The following HLCS variants were observed in gnomAD, a reference collection of about 807,000 sequenced individuals.
HLCS encodes holocarboxylase synthetase.
A neutral mutation model predicts 75.0 loss-of-function variants in HLCS; 53 were observed. That is an observed-to-expected ratio of 0.71 (90% CI 0.57 to 0.89). HLCS has a LOEUF of 0.89. HLCS is among the 40% of genes least tolerant of loss of function. The pLI is 0.00. For missense variants in HLCS, 966 were observed against 1,074.0 expected, an observed-to-expected ratio of 0.90 and a Z score of 1.41; for synonymous variants, 431 against 428.6, an observed-to-expected ratio of 1.01 and a Z score of -0.07.
At chr21:36,931,239 C>T (rs2066623417) in intron 4 of HLCS, among the ~76,000 whole-genome samples, 2 of 135,368 alleles carry the variant, frequency 1.5e-5, no homozygotes, top group Non-Finnish European at 3.0e-5. Context: ...GCTGAGATAG[C>T]TCCATTGCAC....
intron 1 of HLCS, chr21:36,973,727 A>C (rs1433397125): frequency 6.6e-6 from 1 of 152,344 alleles, no homozygotes; most frequent in Admixed American, 6.5e-5. Flanking sequence ...ACTGTGGCTC[A>C]TGCCTGTAAT....
At chr21:36,986,045 T>A (rs1195087243) in intron 1 of HLCS, among the ~76,000 whole-genome samples, 1 of 152,156 alleles carries the variant, frequency 6.6e-6, no homozygotes, top group Admixed American at 6.5e-5. Context: ...CCCAAGTGCA[T>A]GTGTTGGAAA....
At chr21:36,762,865 G>C (rs2089901015) in intron 8 of HLCS, among the ~76,000 whole-genome samples, 1 of 152,154 alleles carries the variant, frequency 6.6e-6, no homozygotes, top group African/African-American at 2.4e-5. Flanking sequence ...CTCAAAGAAT[G>C]CTCGCTAAGG....
intron 6 of HLCS, among the ~76,000 whole-genome samples, chr21:36,831,554 G>C (rs1601433538): frequency 6.6e-6 from 1 of 152,208 alleles, no homozygotes; most frequent in South Asian, 2.1e-4. Context: ...GTGGTGGCAT[G>C]CACCTGTAGT....
chr21:36,938,500 T>C (rs73904771), intron 3 of HLCS, among the ~76,000 whole-genome samples: 3,326 of 152,306 alleles, frequency 0.022, 62 homozygotes, highest in South Asian at 0.053. Context: ...TAATAACTTA[T>C]AGTGTCCCAC....
chr21:36,883,453 C>T (rs1238683085), intron 6 of HLCS, among the ~76,000 whole-genome samples: 1 of 152,202 alleles, frequency 6.6e-6, no homozygotes, highest in Non-Finnish European at 1.5e-5. Context: ...TCTATCTGCA[C>T]ACCCCATGTG....
chr21:36,928,460 C>G (rs1474511690), intron 5 of HLCS, among the ~76,000 whole-genome samples: 1 of 152,138 alleles, frequency 6.6e-6, no homozygotes, highest in Non-Finnish European at 1.5e-5. Flanking sequence ...GTCCCAGCTA[C>G]TCGGGGGGCT....
intron 1 of HLCS, 23 bp downstream of exon 1, chr21:36,966,421 G>A (rs1267478961): frequency 2.1e-6 from 1 of 473,742 alleles, no homozygotes; most frequent in Non-Finnish European, 2.8e-6. Flanking sequence ...GGCCCGGGTC[G>A]CCCGCCCGCC....
chr21:36,794,103 C>T (rs955916831), intron 6 of HLCS, among the ~76,000 whole-genome samples: 16 of 152,192 alleles, frequency 1.1e-4, no homozygotes, highest in African/African-American at 7.2e-5. Flanking sequence ...TCCAAAGAGG[C>T]GATCTCTGAG....
intron 6 of HLCS, among the ~76,000 whole-genome samples, chr21:36,894,994 G>A (rs567587127): frequency 7.6e-4 from 115 of 152,184 alleles, no homozygotes; most frequent in Admixed American, 1.7e-3. Flanking sequence ...ATGTGCGGGA[G>A]CCTCAGCCTG....
chr21:36,776,353 T>C (rs2060357335), intron 6 of HLCS, among the ~76,000 whole-genome samples: 1 of 152,120 alleles, frequency 6.6e-6, no homozygotes, highest in African/African-American at 2.4e-5. Context: ...AAACCCAGGG[T>C]TTATCTTACC....
At chr21:36,827,466 C>A (rs1020884236) in intron 6 of HLCS, among the ~76,000 whole-genome samples, 1 of 150,106 alleles carries the variant, frequency 6.7e-6, no homozygotes. Context: ...CCCAGCTACT[C>A]GGGAGGCTGA....
chr21:36,857,944 C>A (rs2063254208), intron 6 of HLCS, among the ~76,000 whole-genome samples: 1 of 151,916 alleles, frequency 6.6e-6, no homozygotes, highest in African/African-American at 2.4e-5. Flanking sequence ...CGTGAGGCAC[C>A]ACACCCGGCT....
Position 36,752,903 on chromosome 21 carries a change from A to G in HLCS, c.*1343T>C, listed in dbSNP as rs1206698662. 3 of 152,558 alleles carry G rather than the reference A, an allele frequency of 2.0e-5. No individual in the cohort carries two copies. Among genetic ancestry groups the G allele is most frequent in the Non-Finnish European group, 2.9e-5 (2 of 68,048 alleles). 9.5% of individuals were successfully genotyped at this position (152,558 alleles called of 1,614,324 possible). Reference sequence around the variant, plus strand: ...GATTTTGTTCAAAGCTGAAAGCTCCATCAAACTTTCTTTCCACTAATTTCA... The same window carrying G: ...GATTTTGTTCAAAGCTGAAAGCTCCGTCAAACTTTCTTTCCACTAATTTCA... On this transcript the variant is annotated 3_prime_UTR_variant, in exon 11 of 11. Transcript: ENST00000674895.
Position 36,964,655 on chromosome 21 carries a change from A to G in HLCS, c.195+1789T>C, listed in dbSNP as rs2068473141. Among the ~76,000 whole-genome samples, 4 of 152,312 alleles carry G rather than the reference A, an allele frequency of 2.6e-5. No homozygotes were observed. The South Asian group carries it at 8.3e-4, about 32-fold the overall frequency. On this transcript the variant is annotated intron_variant, in intron 1 of 10. Transcript: ENST00000674895. ...GTGACAGAGCAGAGTTACAGAATCCATGAAAGCACCAGGCCACTCCTACTC... is the reference window on the plus strand; with the variant it reads ...GTGACAGAGCAGAGTTACAGAATCCGTGAAAGCACCAGGCCACTCCTACTC...
At chr21:36,895,227 C>A (rs989743308) in intron 6 of HLCS, among the ~76,000 whole-genome samples, 1 of 152,180 alleles carries the variant, frequency 6.6e-6, no homozygotes, top group African/African-American at 2.4e-5. Flanking sequence ...CTCCCCAAAT[C>A]TTTTGTTCAA....
At chr21:36,819,574 G>T (rs8134293) in intron 6 of HLCS, among the ~76,000 whole-genome samples, 53,450 of 152,024 alleles carry the variant, frequency 0.35, 10,179 homozygotes, top group African/African-American at 0.48. Flanking sequence ...GCTATGATAC[G>T]GACAGTATCA....
At chr21:36,870,167 T>C (rs137987839) in intron 6 of HLCS, among the ~76,000 whole-genome samples, 11 of 152,284 alleles carry the variant, frequency 7.2e-5, no homozygotes, top group African/African-American at 2.6e-4. Context: ...GCCCCAGTAC[T>C]GCTATTAGGA....
At chr21:36,859,551 A>G (rs902115462) in intron 6 of HLCS, among the ~76,000 whole-genome samples, 1 of 152,310 alleles carries the variant, frequency 6.6e-6, no homozygotes, top group Non-Finnish European at 1.5e-5. Context: ...GCGTAAGTGG[A>G]CTGAGTTTTG....
Sources: allele counts gnomAD v4.1 joint callset (sites outside exome capture counted in the v4.1 genomes callset), GRCh38; gene constraint gnomAD v4.1.1; transcripts MANE v1.5; gene names NCBI Gene and HGNC (gene_info 2026-07-23, HGNC 2026-07-21).